VCL: variants seen among roughly 807,000 people sequenced by gnomAD.
VCL encodes vinculin.
A neutral mutation model predicts 125.7 loss-of-function variants in VCL; 47 were observed. That is an observed-to-expected ratio of 0.37 (90% CI 0.30 to 0.48). The LOEUF is 0.48. Among genes scored for constraint, VCL ranks in the 20% least tolerant of loss-of-function variants. VCL has a pLI of 0.99. For missense variants in VCL, 1,069 were observed against 1,455.5 expected (o/e 0.73, Z 4.32); for synonymous variants, 458 against 514.6 (o/e 0.89, Z 1.49).
At chr10:74,047,415 A>G (rs1012399704) in intron 2 of VCL, among the ~76,000 whole-genome samples, 1 of 152,236 alleles carries the variant, frequency 6.6e-6, no homozygotes, top group African/African-American at 2.4e-5. Flanking sequence ...AGACAGGGAC[A>G]GAGAAGGGGG....
intron 7 of VCL, 117 bp from the exon 8 acceptor site, chr10:74,083,249 A>G: frequency 7.2e-7 from 1 of 1,384,830 alleles, no homozygotes; most frequent in South Asian, 1.2e-5. Context: ...GTTGCCTTCT[A>G]TTCACTCGTC....
At chr10:74,013,339 C>T (rs769437482) in intron 1 of VCL, among the ~76,000 whole-genome samples, 23 of 151,856 alleles carry the variant, frequency 1.5e-4, no homozygotes, top group Admixed American at 2.6e-4. Context: ...GGCACAGAGT[C>T]CTGGGGTGCA....
intron 1 of VCL, among the ~76,000 whole-genome samples, chr10:74,034,886 AGGCCTGGTACTG>A (rs1488837354): frequency 6.6e-6 from 1 of 152,218 alleles, no homozygotes. Context: ...TGTATGACTG[AGGCCTGGTACTG>A]GGCACAGCTG....
intron 1 of VCL, among the ~76,000 whole-genome samples, chr10:74,024,749 G>A (rs1840741389): frequency 6.6e-6 from 1 of 152,208 alleles, no homozygotes; most frequent in South Asian, 2.1e-4. Context: ...GGCTGACTCA[G>A]CTGATCATGC....
At chr10:74,046,280 C>A (rs1030584879) in intron 2 of VCL, among the ~76,000 whole-genome samples, 3 of 152,226 alleles carry the variant, frequency 2.0e-5, no homozygotes, top group African/African-American at 7.2e-5. Flanking sequence ...CAGGCTCTCA[C>A]TCTGTCACCC....
At chr10:74,080,670 T>C (rs74146322) in intron 6 of VCL, among the ~76,000 whole-genome samples, 9,550 of 144,136 alleles carry the variant, frequency 0.066, 1,044 homozygotes, top group African/African-American at 0.22. Context: ...GTTAGGAAAA[T>C]GGTTTAACAG....
intron 1 of VCL, among the ~76,000 whole-genome samples, chr10:74,010,573 C>G (rs1310677698): frequency 2.0e-5 from 3 of 151,766 alleles, no homozygotes; most frequent in African/African-American, 7.3e-5. Context: ...TACTCCAAAC[C>G]AATTTATGTT....
chr10:74,047,037 A>G (rs1841206599), intron 2 of VCL, among the ~76,000 whole-genome samples: 2 of 152,218 alleles, frequency 1.3e-5, no homozygotes, highest in Non-Finnish European at 2.9e-5. Context: ...GAAATTAAGC[A>G]TTTATCTTGC....
intron 1 of VCL, among the ~76,000 whole-genome samples, chr10:74,026,139 A>G (rs562619283): frequency 1.4e-3 from 218 of 152,318 alleles, no homozygotes; most frequent in African/African-American, 4.9e-3. Flanking sequence ...ACATGGTTGA[A>G]AAAGAAAAGG....
At chr10:74,100,855 G>A in intron 13 of VCL, 93 bp from the exon 14 acceptor site, 1 of 1,471,374 alleles carries the variant, frequency 6.8e-7, no homozygotes, top group Non-Finnish European at 9.5e-7. Context: ...TCTTTGAGCA[G>A]TTGCTGCCCT....
chr10:74,106,033 G>T (rs1485632225), intron 16 of VCL, among the ~76,000 whole-genome samples: 1 of 146,482 alleles, frequency 6.8e-6, no homozygotes, highest in African/African-American at 2.5e-5. Context: ...TGATTCTCCT[G>T]CCCCAGCCTC....
Position 73,998,296 on chromosome 10 carries a change from G to A in VCL, c.89G>A (p.Gly30Asp). 3 of 1,602,074 alleles carry A rather than the reference G, an allele frequency of 1.9e-6. No homozygotes were observed. Among genetic ancestry groups the A allele is most frequent in the Non-Finnish European group, 2.6e-6 (3 of 1,174,112 alleles). Residue 30 changes from glycine (G) to aspartate (D), a missense_variant, in exon 1 of 22, where the codon GGC (glycine) becomes GAC (aspartate). By Grantham distance (94) the Gly-to-Asp change is moderately conservative (BLOSUM62 -1). Transcript: ENST00000211998. The stretch of plus-strand genomic sequence containing the variant: ...CACCTGGTGATAATGCACGAGGAGG[G>A]CGAGGTGGACGGCAAAGCCATTCCT... ...ISHLVIMHEE[G>D]EVDGKAIPDL...
chr10:74,019,333 C>T (rs1236530066), intron 1 of VCL, among the ~76,000 whole-genome samples: 1 of 152,084 alleles, frequency 6.6e-6, no homozygotes, highest in African/African-American at 2.4e-5. Flanking sequence ...GTTTGCTACA[C>T]CTATCAACTC....
At chr10:74,086,736 A>G (rs2131904250) in intron 8 of VCL, among the ~76,000 whole-genome samples, 1 of 152,230 alleles carries the variant, frequency 6.6e-6, no homozygotes, top group East Asian at 1.9e-4. Flanking sequence ...AAGGGTAACT[A>G]TGGTCCTGCT....
At chr10:74,078,669 A>G (rs914117581) in intron 6 of VCL, among the ~76,000 whole-genome samples, 2 of 152,242 alleles carry the variant, frequency 1.3e-5, no homozygotes, top group African/African-American at 4.8e-5. Flanking sequence ...TTTTAGAGCC[A>G]GGAAGGTATT....
At chr10:74,095,426 C>G (rs1012839993) in intron 11 of VCL, among the ~76,000 whole-genome samples, 112 of 151,970 alleles carry the variant, frequency 7.4e-4, no homozygotes, top group African/African-American at 2.3e-3. Context: ...CCCTGTCTCT[C>G]TAAAAAAAAC....
chr10:74,026,925 T>G (rs181366333), intron 1 of VCL, among the ~76,000 whole-genome samples: 58 of 152,320 alleles, frequency 3.8e-4, no homozygotes, highest in African/African-American at 1.3e-3. Flanking sequence ...ACAAGTTGGT[T>G]GTTTGGAGTT....
At chr10:74,070,554 A>AT (rs1221295525) in intron 2 of VCL, 116 bp from the exon 3 acceptor site, 1 of 1,484,012 alleles carries the variant, frequency 6.7e-7, no homozygotes, top group Non-Finnish European at 9.3e-7. Flanking sequence ...GGTCTTGGCT[A>AT]TTTTTCATGT....
intron 1 of VCL, among the ~76,000 whole-genome samples, chr10:74,008,093 C>T (rs1372850532): frequency 3.9e-5 from 6 of 152,110 alleles, no homozygotes; most frequent in African/African-American, 9.7e-5. Context: ...CATGAGCCAC[C>T]GCGCCCGGCC....
Sources: allele counts gnomAD v4.1 joint callset (sites outside exome capture counted in the v4.1 genomes callset), GRCh38; gene constraint gnomAD v4.1.1; transcripts MANE v1.5; gene names NCBI Gene and HGNC (gene_info 2026-07-23, HGNC 2026-07-21).